Variants in C8A observed in about 807,000 individuals in gnomAD.
C8A encodes complement C8 alpha chain, also known as complement component C8 alpha chain.
In C8A, 67 loss-of-function variants were observed where a neutral mutation model predicts 65.3. The observed-to-expected ratio is 1.03, with a 90% confidence interval of 0.84 to 1.26. The LOEUF is 1.26. Ranked by LOEUF, C8A falls within the 50% of genes most tolerant of loss-of-function variation. C8A has a pLI of 0.00. For synonymous variants in C8A, 290 were observed against 259.4 expected (o/e 1.12, Z -1.13); for missense variants, 781 against 723.9 (o/e 1.08, Z -0.90).
At position 56,917,883 on chromosome 1, in the gene C8A, T is replaced by G. The variant is rs1487538672; in HGVS notation, c.*167T>G. The G allele has an allele frequency of 1.4e-6, 1 of 707,620 alleles. No homozygotes were observed. Among genetic ancestry groups the G allele is most frequent in the African/African-American group, 1.8e-5 (1 of 55,746 alleles). 43.8% of individuals were successfully genotyped at this position (707,620 alleles called of 1,614,324 possible). A position where few individuals can be genotyped will look rare whatever the true frequency, so the allele number is the denominator to read the frequency against. On this transcript the variant is annotated 3_prime_UTR_variant, in exon 11 of 11. Coordinates refer to ENST00000361249, the MANE Select transcript of C8A (RefSeq NM_000562.3). ...AGGTTTTGCTGTCTACAGCCAACTA[T>G]TCTATTAGTTACAAAACTCAATCAT...
chr1:56,905,887 C>A (rs1644460612), intron 7 of C8A, among the ~76,000 whole-genome samples: 1 of 152,160 alleles, frequency 6.6e-6, no homozygotes, highest in African/African-American at 2.4e-5. Context: ...GGTTGGAAAC[C>A]CAGCTCTGTT....
At chr1:56,870,941 C>T (rs1411842045) in intron 2 of C8A, among the ~76,000 whole-genome samples, 2 of 152,080 alleles carry the variant, frequency 1.3e-5, no homozygotes, top group African/African-American at 4.8e-5. Context: ...AAAATTATGT[C>T]TTAATGATCC....
intron 1 of C8A, among the ~76,000 whole-genome samples, chr1:56,857,696 C>T (rs1643991648): frequency 1.3e-5 from 2 of 151,584 alleles, no homozygotes; most frequent in South Asian, 4.2e-4. Context: ...CCCATGTCTT[C>T]CTTGTTTCTA....
chr1:56,906,881 G>T, intron 8 of C8A, 89 bp downstream of exon 8: 1 of 1,515,388 alleles, frequency 6.6e-7, no homozygotes, highest in Non-Finnish European at 9.2e-7. Flanking sequence ...TTTTTTCCCA[G>T]TTGATTGCAT....
At chr1:56,888,899 A>T (rs909215281) in intron 7 of C8A, among the ~76,000 whole-genome samples, 2 of 152,330 alleles carry the variant, frequency 1.3e-5, no homozygotes, top group African/African-American at 4.8e-5. Flanking sequence ...CTAATTACTT[A>T]GTCCAGGCCT....
chr1:56,855,101 T>C, intron 1 of C8A, 123 bp downstream of exon 1: 3 of 792,846 alleles, frequency 3.8e-6, no homozygotes, highest in Non-Finnish European at 6.6e-6. Flanking sequence ...TTCATGTTAT[T>C]ACTACTCCTG....
At chr1:56,899,808 T>C (rs1329450) in intron 7 of C8A, among the ~76,000 whole-genome samples, 15,411 of 152,252 alleles carry the variant, frequency 0.1, 859 homozygotes, top group Middle Eastern at 0.13. Context: ...GCACATTACA[T>C]GGCATGGATT....
At chr1:56,913,422 A>G (rs1485178966) in intron 10 of C8A, among the ~76,000 whole-genome samples, 2 of 152,252 alleles carry the variant, frequency 1.3e-5, no homozygotes, top group Non-Finnish European at 2.9e-5. Context: ...GATAACTGCA[A>G]CATGAACCAA....
At chr1:56,873,444 T>C in intron 2 of C8A, among the ~76,000 whole-genome samples, 1 of 152,026 alleles carries the variant, frequency 6.6e-6, no homozygotes, top group Non-Finnish European at 1.5e-5. Context: ...GGTAAGAAAA[T>C]CTGGGCCCTG....
intron 7 of C8A, among the ~76,000 whole-genome samples, chr1:56,896,079 A>G (rs1253085981): frequency 1.3e-5 from 2 of 152,188 alleles, no homozygotes; most frequent in African/African-American, 4.8e-5. Flanking sequence ...TACTAACTAT[A>G]AAAACATATT....
At chr1:56,899,204 T>C (rs1337814763) in intron 7 of C8A, among the ~76,000 whole-genome samples, 4 of 152,128 alleles carry the variant, frequency 2.6e-5, no homozygotes, top group Non-Finnish European at 4.4e-5. Flanking sequence ...ATCCTTCTGA[T>C]TTTGTCTTGA....
intron 1 of C8A, among the ~76,000 whole-genome samples, chr1:56,858,348 C>A (rs1031258030): frequency 5.3e-5 from 8 of 152,040 alleles, no homozygotes; most frequent in Non-Finnish European, 1.2e-4. Context: ...CCAATTTAAC[C>A]CTTATTACAT....
At chr1:56,907,742 C>A (rs1217290159) in intron 8 of C8A, among the ~76,000 whole-genome samples, 1 of 152,222 alleles carries the variant, frequency 6.6e-6, no homozygotes, top group African/African-American at 2.4e-5. Context: ...GGGCTGTCCT[C>A]TCAGTATTTC....
intron 7 of C8A, among the ~76,000 whole-genome samples, chr1:56,890,211 T>C (rs984108146): frequency 6.6e-6 from 1 of 152,152 alleles, no homozygotes; most frequent in Non-Finnish European, 1.5e-5. Flanking sequence ...CCCAATGCTC[T>C]CTTCCCTGTC....
At chr1:56,906,930 C>G in intron 8 of C8A, 138 bp downstream of exon 8, 1 of 1,025,616 alleles carries the variant, frequency 9.8e-7, no homozygotes, top group Admixed American at 1.9e-5. Flanking sequence ...CTAAATACCC[C>G]AAAACAATGA....
At chr1:56,858,090 C>T (rs634144) in intron 1 of C8A, among the ~76,000 whole-genome samples, 97,541 of 152,008 alleles carry the variant, frequency 0.64, 32,026 homozygotes, top group East Asian at 0.9. Context: ...TTGGTACCTT[C>T]TACTATCTTC....
Position 56,883,604 on chromosome 1 carries a change from C to T in C8A, c.778C>T (p.Pro260Ser), listed in dbSNP as rs1470425381. The T allele has an allele frequency of 2.5e-6, 4 of 1,613,730 alleles. No individual in the cohort carries two copies. The South Asian group carries it at 3.3e-5, about 13-fold the overall frequency. Residue 260 changes from proline (P) to serine (S), a missense_variant, in exon 6 of 11, where the codon CCT (proline) becomes TCT (serine). By Grantham distance (74) the Pro-to-Ser change is moderately conservative. Coordinates refer to ENST00000361249, the MANE Select transcript of C8A (RefSeq NM_000562.3). ...CATCGGCATAGGCCCAGCCGGCAGC[C>T]CTTTATTGGTGGGTGTAGGTGTATC... is the stretch of plus-strand genomic sequence containing the variant. ...VTIGIGPAGS[P>S]LLVGVGVSHS...
chr1:56,866,441 T>C (rs1644088765), intron 1 of C8A, among the ~76,000 whole-genome samples: 2 of 152,240 alleles, frequency 1.3e-5, no homozygotes, highest in Non-Finnish European at 2.9e-5. Context: ...AAAGGTATAC[T>C]GAGACCAAAA....
chr1:56,907,449 C>T (rs915914052), intron 8 of C8A, among the ~76,000 whole-genome samples: 5 of 152,190 alleles, frequency 3.3e-5, no homozygotes, highest in Non-Finnish European at 5.9e-5. Context: ...TCTATCCTCT[C>T]TTCATTTACC....
Sources: gnomAD v4.1 joint callset for allele counts (sites outside exome capture counted in the v4.1 genomes callset) on GRCh38, gnomAD v4.1.1 for gene constraint, MANE v1.5 for transcripts, NCBI Gene and HGNC (gene_info 2026-07-23, HGNC 2026-07-21) for gene names.